The following GABRG1 variants were observed in gnomAD, a reference collection of about 807,000 sequenced individuals.
GABRG1 encodes the protein gamma-aminobutyric acid receptor subunit gamma-1.
GABRG1 carries 49 observed loss-of-function variants against 49.8 expected under a neutral mutation model. That is an observed-to-expected ratio of 0.98 (90% CI 0.78 to 1.25). GABRG1 has a LOEUF of 1.25. Ranked by LOEUF, GABRG1 falls within the 50% of genes most tolerant of loss-of-function variation. GABRG1 has a pLI of 0.00. For missense variants in GABRG1, 552 were observed against 552.3 expected, an observed-to-expected ratio of 1.00 and a Z score of 0.01; for synonymous variants, 232 against 185.1, an observed-to-expected ratio of 1.25 and a Z score of -2.06.
intron 7 of GABRG1, among the ~76,000 whole-genome samples, chr4:46,057,178 G>A (rs958980989): frequency 6.6e-5 from 10 of 152,014 alleles, no homozygotes; most frequent in African/African-American, 2.4e-4. Context: ...ATTGAGATAC[G>A]AATGGATTTT....
chr4:46,116,607 G>T (rs1277333329), intron 1 of GABRG1, among the ~76,000 whole-genome samples: 1 of 150,750 alleles, frequency 6.6e-6, no homozygotes, highest in Non-Finnish European at 1.5e-5. Context: ...TAAGCCTTGG[G>T]ATCTGAAATG....
intron 3 of GABRG1, among the ~76,000 whole-genome samples, chr4:46,083,773 C>A (rs1347944015): frequency 6.6e-6 from 1 of 151,444 alleles, no homozygotes; most frequent in Non-Finnish European, 1.5e-5. Context: ...CATAGTTCTA[C>A]CAAACACAGC....
intron 1 of GABRG1, among the ~76,000 whole-genome samples, chr4:46,105,026 C>T (rs190270288): frequency 1.6e-4 from 24 of 151,428 alleles, no homozygotes; most frequent in South Asian, 2.1e-4. Context: ...CTCTTGAAAA[C>T]GGTAAAGTGG....
chr4:46,090,007 T>A (rs1719921654), intron 2 of GABRG1, among the ~76,000 whole-genome samples: 1 of 151,978 alleles, frequency 6.6e-6, no homozygotes, highest in South Asian at 2.1e-4. Flanking sequence ...CATAAAGCAA[T>A]GGAAGCTTAA....
In GABRG1 at chr4:46,041,049, A is replaced by C. The variant is rs956548933; in HGVS notation, c.1337T>G (p.Phe446Cys). Reference sequence around the variant, plus strand: ...GAACAGGGCAAAAGCGGTTGGGAAAAATATTCTAGAATAAGAGTCAATTTT... The same window carrying C: ...GAACAGGGCAAAAGCGGTTGGGAAACATATTCTAGAATAAGAGTCAATTTT... ...IAKIDSYSRI[F>C]FPTAFALFNL... The change falls in exon 9 of 9, where the codon TTT becomes TGT. Residue 446 changes from phenylalanine to cysteine, a missense_variant. Phe to Cys is a radical substitution (Grantham distance 205). Coordinates refer to ENST00000295452, the MANE Select transcript of GABRG1 (RefSeq NM_173536.4). 1.1e-5 allele frequency: 18 copies of C among 1,612,948 alleles called. No homozygotes were observed. Among genetic ancestry groups the C allele is most frequent in the Non-Finnish European group, 1.4e-5 (17 of 1,179,278 alleles).
chr4:46,061,067 G>C (rs1475425097), intron 5 of GABRG1, among the ~76,000 whole-genome samples: 1 of 152,012 alleles, frequency 6.6e-6, no homozygotes, highest in Non-Finnish European at 1.5e-5. Context: ...AAAGATAAAT[G>C]ATTAATTACT....
At chr4:46,097,449 T>C (rs1164535871) in intron 1 of GABRG1, 100 bp from the exon 2 acceptor site, 13 of 1,159,896 alleles carry the variant, frequency 1.1e-5, no homozygotes, top group Non-Finnish European at 1.6e-5. Flanking sequence ...AAAGTAATAA[T>C]GGCAGACAAA....
chr4:46,095,698 T>G (rs1040595260), intron 2 of GABRG1, among the ~76,000 whole-genome samples: 1 of 151,826 alleles, frequency 6.6e-6, no homozygotes, highest in African/African-American at 2.4e-5. Context: ...ACTATGTCCT[T>G]CAAGTTTCAA....
intron 1 of GABRG1, among the ~76,000 whole-genome samples, chr4:46,119,394 A>G (rs1480247947): frequency 6.6e-6 from 1 of 151,530 alleles, no homozygotes; most frequent in Non-Finnish European, 1.5e-5. Flanking sequence ...AGGCAGGGGT[A>G]TAGAACACAG....
intron 3 of GABRG1, among the ~76,000 whole-genome samples, chr4:46,070,446 A>G (rs1363337230): frequency 2.0e-5 from 3 of 152,008 alleles, no homozygotes; most frequent in Non-Finnish European, 2.9e-5. Flanking sequence ...ATGAACTCCC[A>G]GTTCTTAAGA....
chr4:46,116,220 G>T (rs1720881773), intron 1 of GABRG1, among the ~76,000 whole-genome samples: 1 of 150,694 alleles, frequency 6.6e-6, no homozygotes, highest in South Asian at 2.1e-4. Flanking sequence ...GTTATTTTAT[G>T]ACCATTTCTA....
At position 46,123,898 on chromosome 4, in the gene GABRG1, C is replaced by T. The variant is rs751237743; in HGVS notation, c.16G>A (p.Ala6Thr). 1.9e-6 allele frequency: 3 copies of T among 1,613,562 alleles called. No homozygotes were observed. The highest frequency in any genetic ancestry group is 2.5e-6 in the Non-Finnish European group (3 of 1,179,700). Reference protein sequence around the residue: MGPLKAFLFSPFLLRS... With the variant: MGPLKTFLFSPFLLRS... The stretch of plus-strand genomic sequence containing the variant: ...AGAAGAAAAGGGGAGAAGAGAAAAG[C>T]TTTCAAAGGACCCATCGGAATCGCT... Residue 6 changes from alanine (A) to threonine (T), a missense_variant, in exon 1 of 9, where the codon GCT (alanine) becomes ACT (threonine). Physicochemically the swap from Ala to Thr is moderately conservative, Grantham distance 58 (BLOSUM62 0). Transcript: ENST00000295452.
intron 3 of GABRG1, among the ~76,000 whole-genome samples, chr4:46,065,968 C>T (rs184604871): frequency 1.1e-3 from 165 of 152,204 alleles, no homozygotes; most frequent in African/African-American, 3.4e-3. Context: ...GTGATCTGCC[C>T]GGCTCATCCT....
At chr4:46,079,294 C>T (rs965216348) in intron 3 of GABRG1, among the ~76,000 whole-genome samples, 6 of 151,766 alleles carry the variant, frequency 4.0e-5, no homozygotes, top group African/African-American at 1.2e-4. Flanking sequence ...TTCCCAGCTC[C>T]TTTTTAAATT....
chr4:46,113,594 T>C (rs1720787403), intron 1 of GABRG1, among the ~76,000 whole-genome samples: 1 of 151,218 alleles, frequency 6.6e-6, no homozygotes, highest in South Asian at 2.1e-4. Context: ...TGAAATAGTA[T>C]TAACCCATTA....
intron 2 of GABRG1, among the ~76,000 whole-genome samples, chr4:46,090,789 TC>T (rs1211889842): frequency 6.6e-6 from 1 of 151,998 alleles, no homozygotes; most frequent in Non-Finnish European, 1.5e-5. Flanking sequence ...GGCCACTTCT[TC>T]CCCTTGGTAT....
intron 8 of GABRG1, among the ~76,000 whole-genome samples, chr4:46,045,962 C>T: frequency 6.6e-6 from 1 of 151,958 alleles, no homozygotes. Context: ...TTATAGATAC[C>T]TGGAAATTTG....
At chr4:46,082,312 T>C (rs1283120925) in intron 3 of GABRG1, among the ~76,000 whole-genome samples, 1 of 151,656 alleles carries the variant, frequency 6.6e-6, no homozygotes, top group African/African-American at 2.4e-5. Flanking sequence ...AAATTATCTC[T>C]CCCTCCCTTA....
chr4:46,062,684 G>C (rs915539087), intron 5 of GABRG1, among the ~76,000 whole-genome samples: 10 of 152,050 alleles, frequency 6.6e-5, no homozygotes, highest in African/African-American at 2.4e-4. Flanking sequence ...CTTTTGAGAA[G>C]TGGAAATGAA....
Sources: allele counts gnomAD v4.1 joint callset (sites outside exome capture counted in the v4.1 genomes callset), GRCh38; gene constraint gnomAD v4.1.1; transcripts MANE v1.5; gene names NCBI Gene and HGNC (gene_info 2026-07-23, HGNC 2026-07-21).